DSCAM: variants seen among roughly 807,000 people sequenced by gnomAD.
DSCAM encodes the protein DS cell adhesion molecule.
DSCAM carries 47 observed loss-of-function variants against 217.7 expected under a neutral mutation model. The ratio of observed to expected loss-of-function variants is 0.22; its 90% CI spans 0.17 to 0.28. The LOEUF is 0.28. DSCAM is among the 10% of genes least tolerant of loss of function. The pLI, the probability that DSCAM is intolerant of heterozygous loss-of-function variation, is 1.00. For missense variants in DSCAM, 2,080 were observed against 2,618.3 expected, an observed-to-expected ratio of 0.79 and a Z score of 4.49; for synonymous variants, 1,056 against 1,015.3, an observed-to-expected ratio of 1.04 and a Z score of -0.76.
At chr21:40,725,599 C>G (rs555220447) in intron 1 of DSCAM, among the ~76,000 whole-genome samples, 1 of 152,210 alleles carries the variant, frequency 6.6e-6, no homozygotes, top group Non-Finnish European at 1.5e-5. Flanking sequence ...CCTTGTAAAC[C>G]GTGTGCTCAC....
intron 8 of DSCAM, among the ~76,000 whole-genome samples, chr21:40,328,248 A>T (rs541453542): frequency 1.3e-5 from 2 of 152,300 alleles, no homozygotes; most frequent in African/African-American, 4.8e-5. Context: ...AAAATATACT[A>T]CTGAGCTATA....
intron 3 of DSCAM, among the ~76,000 whole-genome samples, chr21:40,395,308 G>T (rs1054329802): frequency 1.3e-5 from 2 of 151,122 alleles, no homozygotes; most frequent in Non-Finnish European, 2.9e-5. Flanking sequence ...TGCCTTCAAA[G>T]GTCAGGTCTA....
Position 40,367,680 on chromosome 21 carries a change from G to A in DSCAM, c.655+1419C>T, listed in dbSNP as rs150682010. On this transcript the variant is annotated intron_variant, in intron 4 of 32. Transcript: ENST00000400454. ...TCTCATATGAGCCTTTTTGTGGCAT[G>A]TGACTCTGTGGACCCCTCCCTTCTC... Among the ~76,000 whole-genome samples the A allele has an allele frequency of 9.2e-5, 14 of 152,214 alleles. 1 individual carries two copies. In the East Asian group the frequency reaches 2.5e-3, roughly 27 times the overall value.
intron 4 of DSCAM, among the ~76,000 whole-genome samples, chr21:40,359,380 T>C (rs757968622): frequency 1.3e-5 from 2 of 152,204 alleles, no homozygotes; most frequent in African/African-American, 2.4e-5. Context: ...CCCAGGTGTA[T>C]TGTGGTATAC....
chr21:40,502,887 G>T (rs1357179229), intron 3 of DSCAM, among the ~76,000 whole-genome samples: 1 of 151,978 alleles, frequency 6.6e-6, no homozygotes, highest in African/African-American at 2.4e-5. Flanking sequence ...TTTGCTAAAT[G>T]ATTTCCTTTA....
At chr21:40,418,991 G>A (rs556977576) in intron 3 of DSCAM, among the ~76,000 whole-genome samples, 21 of 152,256 alleles carry the variant, frequency 1.4e-4, no homozygotes, top group African/African-American at 5.1e-4. Flanking sequence ...TCTATTTTGA[G>A]ATGGAGTCTC....
At chr21:40,018,647 G>A (rs1464554097) in intron 32 of DSCAM, among the ~76,000 whole-genome samples, 1 of 152,184 alleles carries the variant, frequency 6.6e-6, no homozygotes, top group African/African-American at 2.4e-5. Flanking sequence ...GTCTTAGATT[G>A]GAAGGAAGAA....
At chr21:40,243,570 C>A (rs1319897530) in intron 11 of DSCAM, among the ~76,000 whole-genome samples, 2 of 152,128 alleles carry the variant, frequency 1.3e-5, no homozygotes, top group Non-Finnish European at 2.9e-5. Context: ...ATAAAAGCAT[C>A]GGTTTTTTCT....
intron 8 of DSCAM, among the ~76,000 whole-genome samples, chr21:40,324,595 GTTTC>G (rs2074298117): frequency 6.6e-6 from 1 of 152,060 alleles, no homozygotes; most frequent in African/African-American, 2.4e-5. Flanking sequence ...TGTTGAAATA[GTTTC>G]TTTAAAAGAT....
At chr21:40,067,772 C>CCCTT (rs1287730997) in intron 27 of DSCAM, among the ~76,000 whole-genome samples, 6 of 101,680 alleles carry the variant, frequency 5.9e-5, no homozygotes, top group Non-Finnish European at 1.1e-4. Flanking sequence ...CTCCCTCCCT[C>CCCTT]CCTTCCTTCC....
chr21:40,216,809 C>G (rs56085764), intron 11 of DSCAM, among the ~76,000 whole-genome samples: 311 of 152,284 alleles, frequency 2.0e-3, no homozygotes, highest in Non-Finnish European at 2.2e-3. Context: ...CTACCTCCCC[C>G]CTGGAGCTGC....
chr21:40,039,054 T>C (rs992408432), intron 32 of DSCAM, among the ~76,000 whole-genome samples: 4 of 148,720 alleles, frequency 2.7e-5, no homozygotes, highest in Non-Finnish European at 6.0e-5. Flanking sequence ...CACTGGGAGA[T>C]ATACCTAATG....
intron 3 of DSCAM, among the ~76,000 whole-genome samples, chr21:40,532,836 C>T (rs1242100927): frequency 2.0e-5 from 3 of 150,356 alleles, no homozygotes; most frequent in East Asian, 2.0e-4. Flanking sequence ...AGGACTTTGG[C>T]GGGGGTGGTG....
chr21:40,019,477 T>C (rs988473827), intron 32 of DSCAM, among the ~76,000 whole-genome samples: 2 of 152,220 alleles, frequency 1.3e-5, no homozygotes, highest in Admixed American at 6.5e-5. Flanking sequence ...GTAACTTAGA[T>C]AATGCATGTG....
intron 3 of DSCAM, among the ~76,000 whole-genome samples, chr21:40,571,176 A>G (rs1454311226): frequency 6.6e-6 from 1 of 152,146 alleles, no homozygotes; most frequent in African/African-American, 2.4e-5. Context: ...AGAATGATGG[A>G]TGAGTTCCTC....
intron 32 of DSCAM, among the ~76,000 whole-genome samples, chr21:40,040,156 C>T (rs554697391): frequency 6.6e-6 from 1 of 152,268 alleles, no homozygotes; most frequent in African/African-American, 2.4e-5. Context: ...ATAATGCAGT[C>T]ATCTAGGGTA....
intron 3 of DSCAM, among the ~76,000 whole-genome samples, chr21:40,661,680 C>A (rs1434942846): frequency 6.6e-6 from 1 of 152,094 alleles, no homozygotes; most frequent in Non-Finnish European, 1.5e-5. Flanking sequence ...TAACAGATTG[C>A]CCTAACAAAA....
At chr21:40,416,349 A>G (rs1188727778) in intron 3 of DSCAM, among the ~76,000 whole-genome samples, 1 of 152,188 alleles carries the variant, frequency 6.6e-6, no homozygotes, top group Non-Finnish European at 1.5e-5. Context: ...TGCGTGTTTT[A>G]TCAATAAAGG....
intron 3 of DSCAM, among the ~76,000 whole-genome samples, chr21:40,644,779 A>G (rs1423974889): frequency 1.3e-5 from 2 of 152,128 alleles, no homozygotes; most frequent in South Asian, 2.1e-4. Flanking sequence ...TCCTTGTTGC[A>G]TTTTTTGTGG....
Sources: gnomAD v4.1 joint callset for allele counts (sites outside exome capture counted in the v4.1 genomes callset) on GRCh38, gnomAD v4.1.1 for gene constraint, MANE v1.5 for transcripts, NCBI Gene and HGNC (gene_info 2026-07-23, HGNC 2026-07-21) for gene names.